Variants in FOXP1 observed in about 807,000 individuals in gnomAD.
The protein encoded by FOXP1 is forkhead box P1, also known as forkhead box protein P1.
Under a neutral mutation model 98.2 loss-of-function variants are expected in FOXP1, and 15 were observed. The ratio of observed to expected loss-of-function variants is 0.15; its 90% CI spans 0.10 to 0.24. FOXP1 has a LOEUF of 0.24. Ranked by LOEUF, FOXP1 falls within the 10% of genes least tolerant of loss-of-function variation. The pLI, the probability that FOXP1 is intolerant of heterozygous loss-of-function variation, is 1.00. For missense variants in FOXP1, 633 were observed against 848.5 expected (o/e 0.75, Z 3.15); for synonymous variants, 371 against 314.5 (o/e 1.18, Z -1.90).
At chr3:71,366,441 T>C (rs1297382189) in intron 3 of FOXP1, among the ~76,000 whole-genome samples, 1 of 152,156 alleles carries the variant, frequency 6.6e-6, no homozygotes, top group African/African-American at 2.4e-5. Context: ...ATAGGAAAAT[T>C]GTATCTACAG....
At chr3:71,142,407 A>C (rs1560013828) in intron 6 of FOXP1, among the ~76,000 whole-genome samples, 1 of 152,218 alleles carries the variant, frequency 6.6e-6, no homozygotes, top group African/African-American at 2.4e-5. Flanking sequence ...TGACTTGAAG[A>C]AAGGGAGATT....
At chr3:71,315,101 AAAAAAAG>A (rs1321463414) in intron 4 of FOXP1, among the ~76,000 whole-genome samples, 12 of 141,690 alleles carry the variant, frequency 8.5e-5, no homozygotes, top group Non-Finnish European at 1.7e-4. Flanking sequence ...AAAAAAAAAA[AAAAAAAG>A]AAAGAAAGAA....
intron 4 of FOXP1, among the ~76,000 whole-genome samples, chr3:71,307,120 C>T (rs958114253): frequency 6.6e-6 from 1 of 152,150 alleles, no homozygotes; most frequent in Non-Finnish European, 1.5e-5. Context: ...TTATGTTCGT[C>T]TACTACTTAC....
intron 6 of FOXP1, among the ~76,000 whole-genome samples, chr3:71,123,741 A>G (rs2058950210): frequency 6.6e-6 from 1 of 151,882 alleles, no homozygotes; most frequent in Admixed American, 6.6e-5. Context: ...AGACTCTTGC[A>G]CTCTGCTATA....
chr3:71,160,428 G>A (rs2108135817), intron 6 of FOXP1, among the ~76,000 whole-genome samples: 1 of 152,232 alleles, frequency 6.6e-6, no homozygotes, highest in Admixed American at 6.5e-5. Flanking sequence ...GTTTATCTGT[G>A]GTCCTGAAAA....
rs902931002 is a variant in FOXP1, at chr3:71,052,740, C to T, written c.421-114G>A. ...AATAGCATCCTTTTATCTGTAATGG[C>T]CTGACCTTTAGTTTGAAACTCGACA... On this transcript the variant is annotated intron_variant, in intron 8 of 20. Transcript: ENST00000649528. The T allele has an allele frequency of 3.0e-5, 22 of 738,812 alleles. No individual in the cohort carries two copies. In the African/African-American group the frequency reaches 3.8e-4, roughly 13 times the overall value. 45.8% of individuals were successfully genotyped at this position (738,812 alleles called of 1,614,324 possible). A position where few individuals can be genotyped will look rare whatever the true frequency, so the allele number is the denominator to read the frequency against.
chr3:71,280,627 AAT>A, intron 5 of FOXP1, among the ~76,000 whole-genome samples: 1 of 152,090 alleles, frequency 6.6e-6, no homozygotes, highest in East Asian at 1.9e-4. Context: ...CCCAGCCTAC[AAT>A]ATCTTTTTTT....
At chr3:71,363,539 G>A (rs1035322715) in intron 3 of FOXP1, among the ~76,000 whole-genome samples, 2 of 152,150 alleles carry the variant, frequency 1.3e-5, no homozygotes, top group African/African-American at 4.8e-5. Context: ...TAAACAAGTA[G>A]GCAGATAAAT....
chr3:71,241,353 AT>A (rs1208993556), intron 5 of FOXP1, among the ~76,000 whole-genome samples: 1 of 152,204 alleles, frequency 6.6e-6, no homozygotes, highest in East Asian at 1.9e-4. Flanking sequence ...AAAAGCCATC[AT>A]TTTAAATAAT....
intron 7 of FOXP1, among the ~76,000 whole-genome samples, chr3:71,090,566 T>C (rs2055697860): frequency 6.6e-6 from 1 of 152,114 alleles, no homozygotes; most frequent in Non-Finnish European, 1.5e-5. Flanking sequence ...CAAGACACAA[T>C]AAAATGAGCA....
chr3:71,418,744 C>T (rs2083404014), intron 3 of FOXP1, among the ~76,000 whole-genome samples: 1 of 151,996 alleles, frequency 6.6e-6, no homozygotes, highest in Non-Finnish European at 1.5e-5. Flanking sequence ...ATATTTTGTC[C>T]AGTTAGCCAT....
At chr3:71,231,911 A>C (rs1370779542) in intron 5 of FOXP1, among the ~76,000 whole-genome samples, 1 of 152,246 alleles carries the variant, frequency 6.6e-6, no homozygotes, top group African/African-American at 2.4e-5. Context: ...CTCCTGTAGG[A>C]AGGCCACATC....
intron 14 of FOXP1, among the ~76,000 whole-genome samples, chr3:70,979,316 A>AAAAG (rs1553670622): frequency 3.1e-5 from 3 of 96,510 alleles, no homozygotes; most frequent in African/African-American, 4.3e-5. Context: ...AAAAAAAAAA[A>AAAAG]AAAAGAAAAA....
intron 2 of FOXP1, among the ~76,000 whole-genome samples, chr3:71,523,603 C>T (rs1001893956): frequency 2.0e-5 from 3 of 152,094 alleles, no homozygotes; most frequent in Non-Finnish European, 4.4e-5. Flanking sequence ...TCCCGAGTCA[C>T]CTTAGGGGGC....
intron 3 of FOXP1, among the ~76,000 whole-genome samples, chr3:71,463,289 G>A (rs578190108): frequency 3.4e-5 from 5 of 149,202 alleles, no homozygotes; most frequent in Admixed American, 6.8e-5. Context: ...GCTTGAACCC[G>A]GGAGGCGGAG....
At chr3:71,412,305 A>G (rs2082811839) in intron 3 of FOXP1, among the ~76,000 whole-genome samples, 1 of 152,118 alleles carries the variant, frequency 6.6e-6, no homozygotes, top group Non-Finnish European at 1.5e-5. Flanking sequence ...CTATCTCCCA[A>G]ACTACCTTCT....
chr3:71,257,749 T>C (rs2068757596), intron 5 of FOXP1, among the ~76,000 whole-genome samples: 1 of 152,168 alleles, frequency 6.6e-6, no homozygotes, highest in Non-Finnish European at 1.5e-5. Flanking sequence ...ATCATTATAA[T>C]GTATTTCTCA....
At chr3:71,011,673 C>T (rs946318568) in intron 12 of FOXP1, among the ~76,000 whole-genome samples, 14 of 152,082 alleles carry the variant, frequency 9.2e-5, no homozygotes, top group Admixed American at 6.6e-4. Flanking sequence ...AAACAAAAGT[C>T]GTCTTACAAA....
intron 6 of FOXP1, chr3:71,130,983 A>G: frequency 8.9e-7 from 1 of 1,124,790 alleles, no homozygotes; most frequent in Non-Finnish European, 1.1e-6. Flanking sequence ...ACACACCAAC[A>G]GGGTTTCGGG....
Sources: gnomAD v4.1 joint callset for allele counts (sites outside exome capture counted in the v4.1 genomes callset) on GRCh38, gnomAD v4.1.1 for gene constraint, MANE v1.5 for transcripts, NCBI Gene and HGNC (gene_info 2026-07-23, HGNC 2026-07-21) for gene names.